Variants in RNH1 observed in about 807,000 individuals in gnomAD.
RNH1 encodes ribonuclease inhibitor.
Under a neutral mutation model 46.1 loss-of-function variants are expected in RNH1, and 38 were observed. The ratio of observed to expected loss-of-function variants is 0.82; its 90% CI spans 0.64 to 1.08. The LOEUF is 1.08. Ranked by LOEUF, RNH1 falls within the 50% of genes least tolerant of loss-of-function variation. RNH1 has a pLI of 0.00. For missense variants in RNH1, 577 were observed against 590.7 expected (o/e 0.98, Z 0.24); for synonymous variants, 319 against 279.1 (o/e 1.14, Z -1.43).
In RNH1 at chr11:498,110, A is replaced by G. The variant is rs1849344309; in HGVS notation, c.988T>C (p.Cys330Arg). ...GCCAGCACTGAGCTGAAGTGGGAGC[A>G]GCAGGCGGCTGTGAAGCTGCAGGAC... ...VKSCSFTAAC[C>R]SHFSSVLAQN... Residue 330 changes from cysteine (C) to arginine (R), a missense_variant, in exon 9 of 11, where the codon TGC (cysteine) becomes CGC (arginine). Cys to Arg is a radical substitution (Grantham distance 180). Transcript: ENST00000354420. 6.2e-7 allele frequency: 1 copy of G among 1,613,952 alleles called. No homozygotes were observed. Among genetic ancestry groups the G allele is most frequent in the Non-Finnish European group, 8.5e-7 (1 of 1,180,006 alleles).
At position 501,815 on chromosome 11, in the gene RNH1, T is replaced by G. The variant is rs1332507797; in HGVS notation, c.101+247A>C. Reference sequence around the variant, plus strand: ...TGAGACACCGGAGCCAGAGACCCACTGGCCAGTGGCCGCCCACCTCGGCCC... The same window carrying G: ...TGAGACACCGGAGCCAGAGACCCACGGGCCAGTGGCCGCCCACCTCGGCCC... On this transcript the variant is annotated intron_variant, in intron 3 of 10. Coordinates refer to ENST00000354420, the MANE Select transcript of RNH1 (RefSeq NM_203387.3). The surrounding 1 kb of genome is among the most constrained non-coding windows in gnomAD (Gnocchi z 4.1). 3.7e-6 allele frequency: 2 copies of G among 538,864 alleles called. No homozygotes were observed. Among genetic ancestry groups the G allele is most frequent in the South Asian group, 2.3e-5 (1 of 44,444 alleles). The allele number at this position is 538,864 out of a possible 1,614,324, so 33.4% of individuals were successfully genotyped here.
chr11:498,168 T>C, intron 8 of RNH1, 27 bp from the exon 9 acceptor site: 2 of 1,597,912 alleles, frequency 1.3e-6, no homozygotes, highest in Non-Finnish European at 1.7e-6. Flanking sequence ...GACTGACGCC[T>C]GGCAGGGGCC....
intron 2 of RNH1, among the ~76,000 whole-genome samples, chr11:503,822 C>T (rs1392409613): frequency 6.6e-6 from 1 of 152,142 alleles, no homozygotes; most frequent in African/African-American, 2.4e-5. Flanking sequence ...GTAGCCCCGT[C>T]CCTACCCCTC....
chr11:500,173 A>G, intron 4 of RNH1, 174 bp from the exon 5 acceptor site: 4 of 755,422 alleles, frequency 5.3e-6, no homozygotes, highest in Middle Eastern at 3.9e-4. Context: ...GAGGGCACGC[A>G]TGTGGCTCGA....
At position 500,528 on chromosome 11, in the gene RNH1, C is replaced by A; in HGVS notation, c.228G>T (p.Val76=). The change falls in exon 4 of 11, where the codon GTG becomes GTT. Residue 76 remains valine (V), a synonymous_variant. Transcript: ENST00000354420. ...AGGAGGGGGTCTGCAGGCCCTGGAGCACGCAATGCACGCCGACATCGCCCA... is the reference window on the plus strand; with the variant it reads ...AGGAGGGGGTCTGCAGGCCCTGGAGAACGCAATGCACGCCGACATCGCCCA... ...NELGDVGVHC[V]LQGLQTPSCK... is the part of the protein sequence containing the mutation. The A allele has an allele frequency of 6.2e-7, 1 of 1,610,148 alleles. No individual in the cohort carries two copies. The highest frequency in any genetic ancestry group is 1.7e-4 in the Middle Eastern group (1 of 5,810).
chr11:497,506 CTCA>C (rs1311491977), intron 9 of RNH1, among the ~76,000 whole-genome samples: 13 of 150,740 alleles, frequency 8.6e-5, no homozygotes, highest in African/African-American at 2.9e-4. Flanking sequence ...GACACTCGTG[CTCA>C]TTCTTGCCCA....
Position 494,574 on chromosome 11 carries a change from G to A in RNH1, c.*117C>T, listed in dbSNP as rs956459751. On this transcript the variant is annotated 3_prime_UTR_variant, in exon 11 of 11. Transcript: ENST00000354420. ...CAAAATATACTGGCAGAAATAAGCGGATCTGAGCGTTTCTCTTCAAACCTA... is the reference window on the plus strand; with the variant it reads ...CAAAATATACTGGCAGAAATAAGCGAATCTGAGCGTTTCTCTTCAAACCTA... The A allele has an allele frequency of 3.6e-5, 31 of 865,594 alleles. No individual in the cohort carries two copies. Among genetic ancestry groups the A allele is most frequent in the East Asian group, 3.4e-4 (14 of 41,288 alleles). 53.6% of individuals were successfully genotyped at this position (865,594 alleles called of 1,614,324 possible). A position where few individuals can be genotyped will look rare whatever the true frequency, so the allele number is the denominator to read the frequency against.
intron 2 of RNH1, chr11:504,464 CCGCGTTCCTTCCG>C (rs1850065728): frequency 6.6e-6 from 1 of 152,390 alleles, no homozygotes; most frequent in South Asian, 2.0e-4. Context: ...CAGAGCCGCT[CCGCGTTCCTTCCG>C]CCCAGGCGGG....
chr11:500,431 G>A (rs1465939712), intron 4 of RNH1, 53 bp downstream of exon 4: 1 of 1,566,344 alleles, frequency 6.4e-7, no homozygotes. Context: ...CCTGCTGCCG[G>A]GCTACCAAAG....
At chr11:500,313 C>T (rs1803018982) in intron 4 of RNH1, 171 bp downstream of exon 4, 2 of 825,148 alleles carry the variant, frequency 2.4e-6, no homozygotes, top group Admixed American at 2.7e-5. Flanking sequence ...GCCCTGTCCC[C>T]CCCGCTGTGA....
In RNH1 at chr11:499,167, G is replaced by C; in HGVS notation, c.462C>G (p.Leu154=). 1.9e-6 allele frequency: 3 copies of C among 1,612,640 alleles called. No individual in the cohort carries two copies. Among genetic ancestry groups the C allele is most frequent in the Non-Finnish European group, 2.5e-6 (3 of 1,179,940 alleles). Residue 154 remains leucine (L), a synonymous_variant, in exon 6 of 11, where the codon CTC becomes CTG. Transcript: ENST00000354420. ...LEKLQLEYCS[L]SAASCEPLAS... ...CCAGGGGCTCGCAGCTGGCAGCCGA[G>C]AGGCTGCAATACTCCAGCCTGGGGG...
chr11:501,405 A>G lies in RNH1; in HGVS notation c.101+657T>C, dbSNP rs1207406293. On this transcript the variant is annotated intron_variant, in intron 3 of 10. Transcript: ENST00000354420. The surrounding 1 kb of genome is among the most constrained non-coding windows in gnomAD (Gnocchi z 4.1). ...GACAGTCACAGACGGGAGAGGGCTA[A>G]GGAGACAGAGGGCTGAGGGCCACGC... 1 of 161,996 alleles carries G rather than the reference A, an allele frequency of 6.2e-6. No individual in the cohort carries two copies. Among genetic ancestry groups the G allele is most frequent in the Non-Finnish European group, 1.4e-5 (1 of 73,452 alleles). 10.0% of individuals were successfully genotyped at this position (161,996 alleles called of 1,614,324 possible). A position where few individuals can be genotyped will look rare whatever the true frequency, so the allele number is the denominator to read the frequency against.
chr11:494,837 C>T, intron 10 of RNH1, 46 bp downstream of exon 10: 2 of 1,612,114 alleles, frequency 1.2e-6, no homozygotes, highest in African/African-American at 1.3e-5. Context: ...CCGCCTTCCT[C>T]CCTGGGCAGC....
intron 4 of RNH1, chr11:500,218 G>T: frequency 1.5e-6 from 1 of 659,062 alleles, no homozygotes; most frequent in Non-Finnish European, 2.5e-6. Flanking sequence ...ACACCTTTCA[G>T]TGGGGGTCTG....
In RNH1 at chr11:501,080, G is replaced by A; in HGVS notation, c.102-426C>T. The A allele has an allele frequency of 2.9e-6, 1 of 344,434 alleles. No individual in the cohort carries two copies. The highest frequency in any genetic ancestry group is 5.7e-6 in the Non-Finnish European group (1 of 175,652). 21.3% of individuals were successfully genotyped at this position (344,434 alleles called of 1,614,324 possible). On this transcript the variant is annotated intron_variant, in intron 3 of 10. Transcript: ENST00000354420. The surrounding 1 kb of genome is among the most constrained non-coding windows in gnomAD (Gnocchi z 4.1). ...GAGGTTGAGGCCGCATAAGCCATGA[G>A]GGAGCCACTCCAGCCTGGGTGACAG...
intron 9 of RNH1, among the ~76,000 whole-genome samples, 160 bp downstream of exon 9, chr11:497,809 ACT>A (rs1194917705): frequency 1.9e-4 from 28 of 146,086 alleles, no homozygotes; most frequent in Admixed American, 1.5e-3. Flanking sequence ...CCATGCTCAC[ACT>A]CATATGCTCA....
At chr11:497,647 G>A (rs1849275234) in intron 9 of RNH1, among the ~76,000 whole-genome samples, 1 of 121,420 alleles carries the variant, frequency 8.2e-6, no homozygotes, top group African/African-American at 3.1e-5. Flanking sequence ...GGACACTCGT[G>A]CTCTCACCCA....
intron 1 of RNH1, 117 bp downstream of exon 1, chr11:506,996 C>T (rs1023492267): frequency 5.3e-5 from 8 of 152,290 alleles, no homozygotes; most frequent in African/African-American, 1.9e-4. Flanking sequence ...GGGAGCGCGC[C>T]ACTCGCCCGC....
chr11:496,915 G>A (rs1042282922), intron 9 of RNH1, among the ~76,000 whole-genome samples: 4 of 152,282 alleles, frequency 2.6e-5, no homozygotes, highest in African/African-American at 9.6e-5. Context: ...AGGGTGGCCA[G>A]GTAGGCTGGA....
Sources: gnomAD v4.1 joint callset for allele counts (sites outside exome capture counted in the v4.1 genomes callset) on GRCh38, gnomAD v4.1.1 for gene constraint, Gnocchi (gnomAD v3.1) non-coding constraint, MANE v1.5 for transcripts, NCBI Gene and HGNC (gene_info 2026-07-23, HGNC 2026-07-21) for gene names.